The following POLB variants were observed in gnomAD, a reference collection of about 807,000 sequenced individuals.
POLB encodes DNA polymerase beta.
In POLB, 37 loss-of-function variants were observed where a neutral mutation model predicts 52.7. The observed-to-expected ratio is 0.70, with a 90% CI of 0.54 to 0.92. POLB has a LOEUF of 0.92. Ranked by LOEUF, POLB falls within the 40% of genes least tolerant of loss-of-function variation. POLB has a pLI of 0.00. For missense variants in POLB, 313 were observed against 400.8 expected, an observed-to-expected ratio of 0.78 and a Z score of 1.87; for synonymous variants, 138 against 131.3, an observed-to-expected ratio of 1.05 and a Z score of -0.35.
Position 42,342,418 on chromosome 8 carries a change from A to G in POLB, c.120-2535A>G, listed in dbSNP as rs3136727. On this transcript the variant is annotated intron_variant, in intron 2 of 13. Transcript: ENST00000265421. ...GTGTGCATATGCTGCGCAGACTATC[A>G]TATCCCCCTCTATACGGGCATAAGC... 2.3e-4 allele frequency: 329 copies of G among 1,428,414 alleles called. No homozygotes were observed. In the African/African-American group the frequency reaches 4.0e-3, roughly 17 times the overall value. 88.5% of individuals were successfully genotyped at this position (1,428,414 alleles called of 1,614,324 possible).
At chr8:42,347,029 C>T (rs142804167) in intron 3 of POLB, among the ~76,000 whole-genome samples, 67 of 152,218 alleles carry the variant, frequency 4.4e-4, no homozygotes, top group African/African-American at 1.6e-3. Context: ...CCCTACAGTA[C>T]TTCCTTTTTT....
chr8:42,353,603 A>G (rs1452557485), intron 6 of POLB, among the ~76,000 whole-genome samples: 1 of 152,168 alleles, frequency 6.6e-6, no homozygotes, highest in African/African-American at 2.4e-5. Context: ...TTTACATGTA[A>G]TTTATCTCTT....
At chr8:42,358,360 A>C (rs574832848) in intron 9 of POLB, among the ~76,000 whole-genome samples, 87 of 151,894 alleles carry the variant, frequency 5.7e-4, no homozygotes, top group Non-Finnish European at 1.0e-3. Context: ...AAATTAGCCA[A>C]GCGTAGTGGT....
chr8:42,360,451 A>G (rs1823605041), intron 9 of POLB, among the ~76,000 whole-genome samples: 1 of 152,178 alleles, frequency 6.6e-6, no homozygotes, highest in South Asian at 2.1e-4. Context: ...GCTGTATACC[A>G]GGCACTATAG....
intron 9 of POLB, among the ~76,000 whole-genome samples, chr8:42,358,636 A>G (rs1378600798): frequency 6.6e-6 from 1 of 152,230 alleles, no homozygotes; most frequent in Non-Finnish European, 1.5e-5. Flanking sequence ...TCTAGGAAGT[A>G]GGTGATGGCC....
Position 42,361,310 on chromosome 8 carries a change from G to T in POLB, c.566G>T (p.Gly189Val). The stretch of plus-strand genomic sequence containing the variant: ...GTCATCACAGGTGCAGAGTCCAGTG[G>T]TGACATGGATGTTCTCCTGACCCAT... ...GSFRRGAESS[G>V]DMDVLLTHPS... Residue 189 changes from glycine (G) to valine (V), a missense_variant, in exon 10 of 14, where the codon GGT (glycine) becomes GTT (valine). Gly to Val is a moderately radical substitution (Grantham distance 109, BLOSUM62 -3). This residue lies in a region of POLB where 246 missense variants were observed against 297.6 expected (regional missense o/e 0.83). Transcript: ENST00000265421. The T allele has an allele frequency of 6.2e-7, 1 of 1,611,420 alleles. No homozygotes were observed.
At chr8:42,358,511 A>AT (rs1484913697) in intron 9 of POLB, among the ~76,000 whole-genome samples, 3 of 152,194 alleles carry the variant, frequency 2.0e-5, no homozygotes, top group Non-Finnish European at 4.4e-5. Context: ...CCAAAAAAAA[A>AT]AGAAATTAAC....
Position 42,342,561 on chromosome 8 carries a change from A to C in POLB, c.120-2392A>C, listed in dbSNP as rs971640056. On this transcript the variant is annotated intron_variant, in intron 2 of 13. Transcript: ENST00000265421. ...TCTGAGCATAGTAATCAGTTTTACC[A>C]TCTTGTCATCTTTAAGTTTCATTTG... 3.4e-5 allele frequency: 25 copies of C among 738,522 alleles called. No individual in the cohort carries two copies. The East Asian group carries it at 5.9e-4, about 17-fold the overall frequency. The allele number at this position is 738,522 out of a possible 1,614,324, so 45.7% of individuals were successfully genotyped here. A position where few individuals can be genotyped will look rare whatever the true frequency, so the allele number is the denominator to read the frequency against.
At chr8:42,354,519 C>G in intron 6 of POLB, 1 of 1,164,270 alleles carries the variant, frequency 8.6e-7, no homozygotes, top group South Asian at 1.3e-5. Flanking sequence ...TTAAAAAATG[C>G]AGGTACAGTA....
chr8:42,365,283 A>C (rs2130850469), intron 11 of POLB, among the ~76,000 whole-genome samples: 1 of 152,326 alleles, frequency 6.6e-6, no homozygotes, highest in African/African-American at 2.4e-5. Flanking sequence ...TAAAGGTTCT[A>C]GTCAGTCTTG....
chr8:42,343,369 T>TATATACACAC (rs761101423), intron 2 of POLB, among the ~76,000 whole-genome samples: 24 of 36,316 alleles, frequency 6.6e-4, no homozygotes, highest in East Asian at 4.2e-3. Flanking sequence ...TATATATATA[T>TATATACACAC]ACACAAAATT....
intron 3 of POLB, 100 bp downstream of exon 3, chr8:42,345,119 C>A: frequency 1.4e-6 from 1 of 696,198 alleles, no homozygotes; most frequent in Non-Finnish European, 2.6e-6. Flanking sequence ...CCTTGACCCA[C>A]ACAGGCTGAT....
chr8:42,341,253 A>G lies in POLB; in HGVS notation c.119+2184A>G, dbSNP rs190165878. On this transcript the variant is annotated intron_variant, in intron 2 of 13. Coordinates refer to ENST00000265421, the MANE Select transcript of POLB (RefSeq NM_002690.3). ...ATAAAACCCAAATACATCATAGCATACAAAAGGCCTTTCATCTGATTCTTC... is the reference window on the plus strand; with the variant it reads ...ATAAAACCCAAATACATCATAGCATGCAAAAGGCCTTTCATCTGATTCTTC... Among the ~76,000 whole-genome samples the G allele has an allele frequency of 4.6e-5, 7 of 152,360 alleles. No homozygotes were observed. In the East Asian group the frequency reaches 1.3e-3, roughly 29 times the overall value.
intron 11 of POLB, 55 bp from the exon 12 acceptor site, chr8:42,369,210 GATTAAA>G: frequency 9.9e-7 from 1 of 1,008,694 alleles, no homozygotes; most frequent in South Asian, 1.4e-5. Context: ...TGTTTTACTT[GATTAAA>G]ATTAAGCCTT....
rs200653703 is a variant in POLB, at chr8:42,371,652, G to A, written c.1003G>A (p.Glu335Lys). 253 of 1,594,378 alleles carry A rather than the reference G, an allele frequency of 1.6e-4. No homozygotes were observed. The highest frequency in any genetic ancestry group is 2.1e-4 in the Non-Finnish European group (239 of 1,162,332). ...WKYREPKDRS[E>K] ...ATACCGGGAACCCAAGGACCGGAGC[G>A]AATGAGGCCTGTATCCTCCCTGGCA... Residue 335 changes from glutamate (E) to lysine (K), a missense_variant, in exon 14 of 14, where the codon GAA (glutamate) becomes AAA (lysine). Physicochemically the swap from Glu to Lys is moderately conservative, Grantham distance 56. Coordinates refer to ENST00000265421, the MANE Select transcript of POLB (RefSeq NM_002690.3).
In POLB at chr8:42,338,639, G is replaced by A; in HGVS notation, c.15G>A (p.Lys5=). The A allele has an allele frequency of 6.2e-7, 1 of 1,614,210 alleles. No homozygotes were observed. The highest frequency in any genetic ancestry group is 1.3e-5 in the African/African-American group (1 of 75,080). Residue 5 remains lysine, a synonymous_variant, in exon 1 of 14, where the codon AAG becomes AAA. Coordinates refer to ENST00000265421, the MANE Select transcript of POLB (RefSeq NM_002690.3). The part of the protein sequence containing the change: MSKR[K]APQETLNGGI... Reference sequence around the variant, plus strand: ...TGCAGGCCGCCATGAGCAAACGGAAGGCGCCGCAGGAGACTCTCAACGGGG... The same window carrying A: ...TGCAGGCCGCCATGAGCAAACGGAAAGCGCCGCAGGAGACTCTCAACGGGG...
intron 11 of POLB, chr8:42,368,908 TTTTG>T (rs1165025155): frequency 3.1e-5 from 5 of 161,638 alleles, no homozygotes; most frequent in South Asian, 1.9e-4. Context: ...CTGGTAGCTT[TTTTG>T]TTTGTTTTCT....
intron 5 of POLB, among the ~76,000 whole-genome samples, chr8:42,351,535 G>A (rs1387283027): frequency 6.6e-6 from 1 of 152,162 alleles, no homozygotes; most frequent in African/African-American, 2.4e-5. Context: ...CTGGATAATG[G>A]TCTAGAGCTA....
chr8:42,371,323 A>C (rs958733703), intron 13 of POLB, among the ~76,000 whole-genome samples: 31 of 152,028 alleles, frequency 2.0e-4, no homozygotes, highest in African/African-American at 5.5e-4. Flanking sequence ...GGGTTTCTCC[A>C]TGTTGGTCAG....
Sources: allele counts gnomAD v4.1 joint callset (sites outside exome capture counted in the v4.1 genomes callset), GRCh38; gene constraint gnomAD v4.1.1; regional missense constraint gnomAD v4.1.1; transcripts MANE v1.5; gene names NCBI Gene and HGNC (gene_info 2026-07-23, HGNC 2026-07-21).